Variants in MDFIC2 observed in about 807,000 individuals in gnomAD.
MDFIC2 encodes the protein MyoD family inhibitor domain containing 2.
intron 3 of MDFIC2, among the ~76,000 whole-genome samples, chr3:70,197,856 A>G (rs1222130838): frequency 6.6e-6 from 1 of 151,946 alleles, no homozygotes; most frequent in Non-Finnish European, 1.5e-5. Flanking sequence ...AAAGGTTTTA[A>G]ATCTTATCAA....
chr3:70,274,549 T>A (rs1043928644), intron 2 of MDFIC2, among the ~76,000 whole-genome samples: 1 of 152,190 alleles, frequency 6.6e-6, no homozygotes, highest in Non-Finnish European at 1.5e-5. Flanking sequence ...AAACACTGCA[T>A]GCTCTCACTT....
intron 2 of MDFIC2, among the ~76,000 whole-genome samples, chr3:70,258,825 C>T (rs1701840916): frequency 6.6e-6 from 1 of 152,062 alleles, no homozygotes. Context: ...AGGAGGCACA[C>T]AAAAACGCTG....
chr3:70,201,107 T>C (rs185913099), intron 3 of MDFIC2, among the ~76,000 whole-genome samples: 1 of 152,228 alleles, frequency 6.6e-6, no homozygotes, highest in East Asian at 1.9e-4. Context: ...ATAGGTAAAC[T>C]TGTGTCATGG....
chr3:70,268,894 C>A (rs1257961500), intron 2 of MDFIC2, among the ~76,000 whole-genome samples: 1 of 152,012 alleles, frequency 6.6e-6, no homozygotes, highest in East Asian at 1.9e-4. Context: ...TTCTGGAGCA[C>A]ATATTATGTA....
chr3:70,291,832 T>A, intron 2 of MDFIC2: 1 of 152,344 alleles, frequency 6.6e-6, no homozygotes, highest in Non-Finnish European at 1.5e-5. Flanking sequence ...TCTTTCAAGA[T>A]GTGCTGTCTG....
chr3:70,207,548 A>G (rs1701304418), intron 2 of MDFIC2, among the ~76,000 whole-genome samples: 1 of 152,038 alleles, frequency 6.6e-6, no homozygotes, highest in South Asian at 2.1e-4. Context: ...TACATCTCCT[A>G]TACAGTTGGC....
chr3:70,257,292 G>T (rs910534959), intron 2 of MDFIC2, among the ~76,000 whole-genome samples: 1 of 152,154 alleles, frequency 6.6e-6, no homozygotes, highest in African/African-American at 2.4e-5. Context: ...GACTTCTTTG[G>T]TAATTTGGTA....
intron 2 of MDFIC2, among the ~76,000 whole-genome samples, chr3:70,260,882 CT>C (rs1261087185): frequency 5.3e-5 from 8 of 152,086 alleles, no homozygotes; most frequent in Admixed American, 5.2e-4. Context: ...AATGTACCAT[CT>C]TTTCCTGCTG....
chr3:70,196,795 G>GA lies in MDFIC2; in HGVS notation c.*130dup, dbSNP rs1576151143. The GA allele has an allele frequency of 1.8e-5, 7 of 396,908 alleles. 1 individual carries two copies. The East Asian group carries it at 2.5e-4, about 14-fold the overall frequency. 24.6% of individuals were successfully genotyped at this position (396,908 alleles called of 1,614,324 possible). A position where few individuals can be genotyped will look rare whatever the true frequency, so the allele number is the denominator to read the frequency against. On this transcript the variant is annotated 3_prime_UTR_variant, in exon 4 of 4. Transcript: ENST00000567252. ...ATACTAGCTTTCCTAGACAGGTGCA[G>GA]AATAAAATGGCCTATAGCATCCAAG...
intron 2 of MDFIC2, among the ~76,000 whole-genome samples, chr3:70,282,818 C>T (rs185953502): frequency 7.2e-5 from 11 of 152,192 alleles, no homozygotes; most frequent in Middle Eastern, 3.4e-3. Context: ...TTGGTTTATT[C>T]CTTATGAAGG....
At chr3:70,270,840 C>T (rs1701969146) in intron 2 of MDFIC2, among the ~76,000 whole-genome samples, 1 of 151,982 alleles carries the variant, frequency 6.6e-6, no homozygotes, top group Non-Finnish European at 1.5e-5. Flanking sequence ...GCAATTAGAA[C>T]ACATGGACAC....
chr3:70,274,991 G>A (rs995399463), intron 2 of MDFIC2, among the ~76,000 whole-genome samples: 1 of 152,062 alleles, frequency 6.6e-6, no homozygotes, highest in Non-Finnish European at 1.5e-5. Context: ...CTGTGAGAAT[G>A]AAGATTCTCA....
intron 2 of MDFIC2, among the ~76,000 whole-genome samples, chr3:70,209,961 C>T (rs930588123): frequency 2.0e-5 from 3 of 152,058 alleles, no homozygotes; most frequent in African/African-American, 4.8e-5. Context: ...TGATAGATAA[C>T]GAGACCTTGA....
At chr3:70,244,580 G>C (rs992119376) in intron 2 of MDFIC2, among the ~76,000 whole-genome samples, 1 of 152,174 alleles carries the variant, frequency 6.6e-6, no homozygotes, top group Admixed American at 6.6e-5. Context: ...AGACAAGATT[G>C]ACTGGTGAAT....
intron 3 of MDFIC2, chr3:70,205,302 C>G (rs576491190): frequency 6.6e-6 from 1 of 152,084 alleles, no homozygotes; most frequent in Non-Finnish European, 1.5e-5. Context: ...TGCTCTCCAG[C>G]TTGCCATAGT....
intron 2 of MDFIC2, among the ~76,000 whole-genome samples, chr3:70,242,279 A>G (rs1701672189): frequency 6.6e-6 from 1 of 152,190 alleles, no homozygotes; most frequent in South Asian, 2.1e-4. Context: ...GGCTCTGATA[A>G]CATCTCTTTG....
intron 2 of MDFIC2, among the ~76,000 whole-genome samples, chr3:70,212,266 C>T (rs552611289): frequency 1.3e-5 from 2 of 152,162 alleles, no homozygotes; most frequent in Admixed American, 6.5e-5. Context: ...TACAGCTTCA[C>T]ACTTGTAACT....
At chr3:70,218,050 T>G (rs1339012289) in intron 2 of MDFIC2, among the ~76,000 whole-genome samples, 1 of 152,114 alleles carries the variant, frequency 6.6e-6, no homozygotes, top group Non-Finnish European at 1.5e-5. Context: ...TTAAACTCCT[T>G]TTGCCCACTC....
chr3:70,292,718 G>A (rs1702250468), intron 2 of MDFIC2, among the ~76,000 whole-genome samples: 2 of 151,668 alleles, frequency 1.3e-5, no homozygotes, highest in African/African-American at 4.8e-5. Context: ...CTTAAAACTA[G>A]ATCTTTGATC....
Sources: gnomAD v4.1 joint callset for allele counts (sites outside exome capture counted in the v4.1 genomes callset) on GRCh38, gnomAD v4.1.1 for gene constraint, MANE v1.5 for transcripts, NCBI Gene and HGNC (gene_info 2026-07-23, HGNC 2026-07-21) for gene names.